The following BSG variants were observed in gnomAD, a reference collection of about 807,000 sequenced individuals.
The protein encoded by BSG is basigin (Ok blood group).
In BSG, 37 loss-of-function variants were observed where a neutral mutation model predicts 43.1. The observed-to-expected ratio is 0.86, with a 90% CI of 0.66 to 1.13. The LOEUF is 1.13. Ranked by LOEUF, BSG falls within the 50% of genes most tolerant of loss-of-function variation. The pLI is 0.00. For missense variants in BSG, 599 were observed against 554.2 expected, an observed-to-expected ratio of 1.08 and a Z score of -0.81; for synonymous variants, 309 against 238.7, an observed-to-expected ratio of 1.29 and a Z score of -2.72.
chr19:573,506 A>G (rs1981479132), intron 1 of BSG, among the ~76,000 whole-genome samples: 1 of 152,134 alleles, frequency 6.6e-6, no homozygotes, highest in Non-Finnish European at 1.5e-5. Flanking sequence ...CGTCTTGCCT[A>G]GGGCGTGCAC....
chr19:581,616 C>T (rs368444878), intron 6 of BSG, 25 bp downstream of exon 6: 18 of 1,560,918 alleles, frequency 1.2e-5, no homozygotes, highest in Non-Finnish European at 1.2e-5. Context: ...CTCCTGCCCA[C>T]ATGCCCTGCT....
chr19:580,397 G>A lies in BSG; in HGVS notation c.591G>A (p.Gln197=), dbSNP rs140722203. 1.2e-3 allele frequency: 1,996 copies of A among 1,611,238 alleles called. 4 individuals carry two copies. Among genetic ancestry groups the A allele is most frequent in the Non-Finnish European group, 1.6e-3 (1,866 of 1,179,930 alleles). ...GTTGCAGGGTGGACTCCGACGACCAGTGGGGAGAGTACTCCTGCGTCTTCC... is the reference window on the plus strand; with the variant it reads ...GTTGCAGGGTGGACTCCGACGACCAATGGGGAGAGTACTCCTGCGTCTTCC... ...KTEFKVDSDD[Q]WGEYSCVFLP... Residue 197 remains glutamine, a synonymous_variant, in exon 4 of 9, where the codon CAG becomes CAA. Transcript: ENST00000333511.
chr19:574,733 A>T (rs995249990), intron 1 of BSG, among the ~76,000 whole-genome samples: 1 of 152,188 alleles, frequency 6.6e-6, no homozygotes. Flanking sequence ...AGGCTTTGCC[A>T]GCTAACTCCT....
chr19:579,486 G>A lies in BSG; in HGVS notation c.416-14G>A, dbSNP rs369186206. 28 of 1,612,148 alleles carry A rather than the reference G, an allele frequency of 1.7e-5. No individual in the cohort carries two copies. The African/African-American group carries it at 2.7e-4, about 15-fold the overall frequency. On this transcript the variant is annotated splice_polypyrimidine_tract_variant and intron_variant, in intron 2 of 8. Transcript: ENST00000333511. The stretch of plus-strand genomic sequence containing the variant: ...TCCTCCACTCTGCTGACCGCGTCTC[G>A]CCGGGCCTTGCAGCCGGCACAGTCT...
At chr19:579,873 C>T (rs1982132367) in intron 3 of BSG, 1 of 672,766 alleles carries the variant, frequency 1.5e-6, no homozygotes, top group Non-Finnish European at 2.4e-6. Flanking sequence ...TGGCAGGAGT[C>T]CCCATTGCTT....
rs983000267 is a variant in BSG, at chr19:582,178, C to A, written c.1070-128C>A. 1.2e-5 allele frequency: 15 copies of A among 1,302,948 alleles called. No homozygotes were observed. The African/African-American group carries it at 2.0e-4, about 17-fold the overall frequency. The allele number at this position is 1,302,948 out of a possible 1,614,324, so 80.7% of individuals were successfully genotyped here. On this transcript the variant is annotated intron_variant, in intron 6 of 8. Coordinates refer to ENST00000333511, the MANE Select transcript of BSG (RefSeq NM_001728.4). Reference sequence around the variant, plus strand: ...CGTGGCCGGGGCTGATGAGCTGCCCCGAGCCACCCCTGGGGGTCACTGAGG... The same window carrying A: ...CGTGGCCGGGGCTGATGAGCTGCCCAGAGCCACCCCTGGGGGTCACTGAGG...
intron 3 of BSG, 46 bp from the exon 4 acceptor site, chr19:580,333 G>T (rs11879069): frequency 1.3e-6 from 2 of 1,580,758 alleles, no homozygotes; most frequent in Admixed American, 3.4e-5. Flanking sequence ...CCTTGGAGGC[G>T]TCCTGCAGAG....
In BSG at chr19:578,124, G is replaced by A; in HGVS notation, c.415+3G>A. 1.9e-6 allele frequency: 3 copies of A among 1,549,082 alleles called. No homozygotes were observed. The highest frequency in any genetic ancestry group is 3.7e-5 in the Admixed American group (2 of 53,680). ...GGCAGTCGTGCTAGTCCTGGAACGTGAGTGGCGGGCACCTCCCTCCCCGCC... is the reference window on the plus strand; with the variant it reads ...GGCAGTCGTGCTAGTCCTGGAACGTAAGTGGCGGGCACCTCCCTCCCCGCC... On this transcript the variant is annotated splice_donor_region_variant and intron_variant, in intron 2 of 8. Transcript: ENST00000333511.
Position 579,259 on chromosome 19 carries a change from C to A in BSG, c.416-241C>A, listed in dbSNP as rs1028016137. 6 of 476,846 alleles carry A rather than the reference C, an allele frequency of 1.3e-5. No homozygotes were observed. In the Admixed American group the frequency reaches 1.5e-4, roughly 12 times the overall value. 29.5% of individuals were successfully genotyped at this position (476,846 alleles called of 1,614,324 possible). A position where few individuals can be genotyped will look rare whatever the true frequency, so the allele number is the denominator to read the frequency against. On this transcript the variant is annotated intron_variant, in intron 2 of 8. Transcript: ENST00000333511. Reference sequence around the variant, plus strand: ...CCCGCCAGCTGCCAGCGAAGGGTGCCTTCCCGAAGGGGGTGCCTTCCCGAA... The same window carrying A: ...CCCGCCAGCTGCCAGCGAAGGGTGCATTCCCGAAGGGGGTGCCTTCCCGAA...
At chr19:580,303 G>A (rs1405139777) in intron 3 of BSG, 76 bp from the exon 4 acceptor site, 9 of 1,364,732 alleles carry the variant, frequency 6.6e-6, no homozygotes, top group Non-Finnish European at 3.1e-6. Context: ...CCGTGGTTGG[G>A]CCCCTGGAGA....
chr19:571,640 G>T (rs907782541), upstream of BSG: 1 of 777,598 alleles, frequency 1.3e-6, no homozygotes, highest in African/African-American at 1.7e-5. Context: ...GGGGCGGCGA[G>T]TCGGTCCCGC....
chr19:572,711 G>C lies in BSG; in HGVS notation c.67+10G>C. The stretch of plus-strand genomic sequence containing the variant: ...GGAGCCTCCGGGGCTGGTGAGGAGC[G>C]GGTAGGGGGCGGGGGTGCGGTCCTG... On this transcript the variant is annotated intron_variant, in intron 1 of 8. Transcript: ENST00000333511. 1 of 1,469,502 alleles carries C rather than the reference G, an allele frequency of 6.8e-7. No homozygotes were observed. Among genetic ancestry groups the C allele is most frequent in the African/African-American group, 1.5e-5 (1 of 68,750 alleles). 91.0% of individuals were successfully genotyped at this position (1,469,502 alleles called of 1,614,324 possible).
At position 572,602 on chromosome 19, in the gene BSG, T is replaced by A. The variant is rs768713921; in HGVS notation, c.-33T>A. The A allele has an allele frequency of 3.4e-6, 5 of 1,469,788 alleles. No individual in the cohort carries two copies. The highest frequency in any genetic ancestry group is 1.5e-5 in the African/African-American group (1 of 68,642). The allele number at this position is 1,469,788 out of a possible 1,614,324, so 91.0% of individuals were successfully genotyped here. On this transcript the variant is annotated 5_prime_UTR_variant, in exon 1 of 9. Transcript: ENST00000333511. ...GGCCGCGGGCGGCGGCGGCAGCGGT[T>A]GGAGGTTGTAGGACCGGCGAGGAAT...
At chr19:582,248 G>A in intron 6 of BSG, 58 bp from the exon 7 acceptor site, 2 of 1,599,052 alleles carry the variant, frequency 1.3e-6, no homozygotes, top group Admixed American at 1.8e-5. Context: ...CCTGAGTGGG[G>A]CCAGTGCTGA....
rs1981401178 is a variant in BSG, at chr19:572,930, G to C, written c.67+229G>C. Among the ~76,000 whole-genome samples the C allele has an allele frequency of 2.0e-5, 3 of 148,508 alleles. No homozygotes were observed. In the South Asian group the frequency reaches 6.7e-4, roughly 33 times the overall value. On this transcript the variant is annotated intron_variant, in intron 1 of 8. Coordinates refer to ENST00000333511, the MANE Select transcript of BSG (RefSeq NM_001728.4). Reference sequence around the variant, plus strand: ...GGCGCGGCCTGCCGGGCTCCCCCGGGCGCTCCGGCCTCGAGCCCGGCCTCT... The same window carrying C: ...GGCGCGGCCTGCCGGGCTCCCCCGGCCGCTCCGGCCTCGAGCCCGGCCTCT...
In BSG at chr19:577,896, A is replaced by C. The variant is rs765458049; in HGVS notation, c.190A>C (p.Asn64His). ...IQWWFEGQGP[N>H]DTCSQLWDGA... ...GTGGTGGTTTGAAGGGCAGGGTCCC[A>C]ACGACACCTGCTCCCAGCTCTGGGA... is the stretch of plus-strand genomic sequence containing the variant. Residue 64 changes from asparagine to histidine, a missense_variant, in exon 2 of 9, where the codon AAC becomes CAC. Coordinates refer to ENST00000333511, the MANE Select transcript of BSG (RefSeq NM_001728.4). 7.4e-5 allele frequency: 118 copies of C among 1,594,480 alleles called. No homozygotes were observed. In the East Asian group the frequency reaches 2.6e-3, roughly 36 times the overall value.
At chr19:577,080 C>T (rs949920407) in intron 1 of BSG, among the ~76,000 whole-genome samples, 1 of 152,172 alleles carries the variant, frequency 6.6e-6, no homozygotes, top group Non-Finnish European at 1.5e-5. Context: ...TTGGGCTGGG[C>T]TGTTCCTGGC....
chr19:580,329 A>C, intron 3 of BSG, 50 bp from the exon 4 acceptor site: 1 of 1,561,190 alleles, frequency 6.4e-7, no homozygotes, highest in Non-Finnish European at 8.7e-7. Context: ...GGGTCCTTGG[A>C]GGCGTCCTGC....
chr19:575,950 C>T (rs745651880), intron 1 of BSG, among the ~76,000 whole-genome samples: 1 of 152,178 alleles, frequency 6.6e-6, no homozygotes, highest in Admixed American at 6.5e-5. Context: ...GACGCCCCCC[C>T]ACCCCCAGTG....
Sources: gnomAD v4.1 joint callset for allele counts (sites outside exome capture counted in the v4.1 genomes callset) on GRCh38, gnomAD v4.1.1 for gene constraint, MANE v1.5 for transcripts, NCBI Gene and HGNC (gene_info 2026-07-23, HGNC 2026-07-21) for gene names.